Variants in ASPHD1 observed in about 807,000 individuals in gnomAD.
ASPHD1 encodes aspartate beta-hydroxylase domain containing 1, also known as aspartate beta-hydroxylase domain-containing protein 1.
In ASPHD1, 20 loss-of-function variants were observed where a neutral mutation model predicts 28.3. That is an observed-to-expected ratio of 0.71 (90% CI 0.50 to 1.03). The LOEUF (loss-of-function observed/expected upper bound fraction) is 1.03, where lower values mean the gene tolerates loss of function less well. ASPHD1 is among the 50% of genes least tolerant of loss of function. The pLI is 0.00. For synonymous variants in ASPHD1, 240 were observed against 221.2 expected (o/e 1.08, Z -0.75); for missense variants, 479 against 524.1 (o/e 0.91, Z 0.84).
chr16:29,912,907 T>A (rs2068742350), intron 3 of ASPHD1, among the ~76,000 whole-genome samples: 1 of 152,240 alleles, frequency 6.6e-6, no homozygotes, highest in Admixed American at 6.5e-5. Flanking sequence ...CTTCATTGGG[T>A]GGGATGACGT....
downstream of ASPHD1, among the ~76,000 whole-genome samples, chr16:29,907,861 G>C (rs2068639092): frequency 6.6e-6 from 1 of 151,896 alleles, no homozygotes; most frequent in Non-Finnish European, 1.5e-5. Context: ...ATATAAGCTG[G>C]GTGTGGTGTC....
downstream of ASPHD1, among the ~76,000 whole-genome samples, chr16:29,910,761 T>G (rs1050946802): frequency 2.6e-5 from 4 of 152,170 alleles, no homozygotes; most frequent in Admixed American, 6.5e-5. Flanking sequence ...CCAACAGGCC[T>G]AGGCTAAGCA....
At chr16:29,906,074 C>T (rs935172113), downstream of ASPHD1, 19 of 495,212 alleles carry the variant, frequency 3.8e-5, no homozygotes, top group African/African-American at 3.2e-4. Flanking sequence ...CTACTTCCTT[C>T]GCAGGGAGAG....
chr16:29,904,978 C>CA lies in ASPHD1; in HGVS notation c.1063+13_1063+14insA. On this transcript the variant is annotated intron_variant, in intron 2 of 2. Coordinates refer to ENST00000308748, the MANE Select transcript of ASPHD1 (RefSeq NM_181718.4). Reference sequence around the variant, plus strand: ...GTGGCTCACAATGGTAACGGGGTGCCCATTCTGCAGGGGGGATGAGGGACT... The same window carrying CA: ...GTGGCTCACAATGGTAACGGGGTGCCACATTCTGCAGGGGGGATGAGGGACT... 6.3e-7 allele frequency: 1 copy of CA among 1,598,484 alleles called. No homozygotes were observed. The highest frequency in any genetic ancestry group is 8.6e-7 in the Non-Finnish European group (1 of 1,167,548).
chr16:29,911,907 CA>C (rs760506764), intron 3 of ASPHD1: 8 of 1,609,558 alleles, frequency 5.0e-6, no homozygotes, highest in Non-Finnish European at 6.8e-6. Flanking sequence ...GGTGAGGCTG[CA>C]GGGAGAGGCC....
intron 1 of ASPHD1, among the ~76,000 whole-genome samples, chr16:29,903,256 C>T (rs575186936): frequency 2.6e-5 from 4 of 151,610 alleles, no homozygotes; most frequent in Non-Finnish European, 5.9e-5. Context: ...CTCGGGAGGC[C>T]GAGGCAGGAG....
Position 29,901,067 on chromosome 16 carries a change from G to A in ASPHD1, c.96G>A (p.Ala32=). The A allele has an allele frequency of 6.2e-7, 1 of 1,609,354 alleles. No individual in the cohort carries two copies. Among genetic ancestry groups the A allele is most frequent in the Non-Finnish European group, 8.5e-7 (1 of 1,177,750 alleles). Residue 32 remains alanine (A), a synonymous_variant, in exon 1 of 3, where the codon GCG becomes GCA. Transcript: ENST00000308748. This position sits in a 1 kb window ranked among gnomAD's most constrained non-coding sequence, Gnocchi z 5.1. ...QSGMWKGNSP[A]GSQGAAMEGT... ...GAATGTGGAAGGGAAACAGTCCAGC[G>A]GGGAGCCAGGGGGCAGCCATGGAAG...
At chr16:29,917,227 A>G (rs1164119109) in intron 3 of ASPHD1, among the ~76,000 whole-genome samples, 1 of 152,152 alleles carries the variant, frequency 6.6e-6, no homozygotes, top group Non-Finnish European at 1.5e-5. Context: ...GGACTGTTTA[A>G]TACCTGGCAC....
rs115261182 is a variant in ASPHD1, at chr16:29,916,936, T to C, written c.*63-2595T>C. Among the ~76,000 whole-genome samples the C allele has an allele frequency of 5.0e-3, 761 of 152,316 alleles. 6 individuals carry two copies. The highest frequency in any genetic ancestry group is 0.017 in the African/African-American group (713 of 41,572). On this transcript the variant is annotated intron_variant and NMD_transcript_variant, in intron 3 of 3. Transcript: ENST00000414952. ...TGCTGTCGGCAGGGGCTTCAGTTCC[T>C]CACCAAGTGGACCTCTGCTTAGGGA... is the stretch of plus-strand genomic sequence containing the variant.
At chr16:29,911,354 G>A (rs995677984) in intron 3 of ASPHD1, 63 of 609,736 alleles carry the variant, frequency 1.0e-4, no homozygotes, top group African/African-American at 9.1e-4. Flanking sequence ...AGCCACATGC[G>A]CTGAGCAAAT....
At chr16:29,903,172 T>C (rs1253541306) in intron 1 of ASPHD1, among the ~76,000 whole-genome samples, 2 of 150,844 alleles carry the variant, frequency 1.3e-5, no homozygotes, top group Admixed American at 1.3e-4. Flanking sequence ...CTGACCAACA[T>C]GGAGAAATCC....
At chr16:29,914,719 C>G (rs2068779440) in intron 3 of ASPHD1, 1 of 152,348 alleles carries the variant, frequency 6.6e-6, no homozygotes, top group Non-Finnish European at 1.5e-5. Context: ...AGGCGTGAGC[C>G]ACCGCATCCA....
downstream of ASPHD1, among the ~76,000 whole-genome samples, chr16:29,909,226 A>G (rs1003052387): frequency 6.6e-6 from 1 of 152,134 alleles, no homozygotes; most frequent in East Asian, 1.9e-4. Flanking sequence ...GTCTTTAGCT[A>G]TGAAGGGAGT....
At chr16:29,918,437 A>G (rs1174491910) in intron 3 of ASPHD1, among the ~76,000 whole-genome samples, 1 of 152,132 alleles carries the variant, frequency 6.6e-6, no homozygotes, top group Non-Finnish European at 1.5e-5. Flanking sequence ...ATTCTAAACA[A>G]AATGTTTAAT....
Position 29,901,268 on chromosome 16 carries a change from C to T in ASPHD1, c.297C>T (p.Gly99=). ...TCCTCTGGTACTGCTACCGCCTGGG[C>T]TCCCAAGACATGCAGGCCCTAGGGG... ...SLFLWYCYRL[G]SQDMQALGAG... Residue 99 remains glycine, a synonymous_variant, in exon 1 of 3, where the codon GGC becomes GGT. Transcript: ENST00000308748. This position sits in a 1 kb window ranked among gnomAD's most constrained non-coding sequence, Gnocchi z 5.1. 6.2e-7 allele frequency: 1 copy of T among 1,613,318 alleles called. No homozygotes were observed. Among genetic ancestry groups the T allele is most frequent in the Non-Finnish European group, 8.5e-7 (1 of 1,179,936 alleles).
downstream of ASPHD1, among the ~76,000 whole-genome samples, chr16:29,908,594 C>G (rs529381557): frequency 1.3e-5 from 2 of 151,894 alleles, no homozygotes; most frequent in African/African-American, 4.8e-5. Flanking sequence ...CCATGTTGTA[C>G]AGGCTGGTCT....
downstream of ASPHD1, among the ~76,000 whole-genome samples, chr16:29,907,895 T>C (rs1173430651): frequency 6.6e-6 from 1 of 151,542 alleles, no homozygotes; most frequent in African/African-American, 2.4e-5. Flanking sequence ...CCCAGCACAT[T>C]GGGAGGCTAA....
At chr16:29,910,415 T>TA (rs201647947), downstream of ASPHD1, among the ~76,000 whole-genome samples, 350 of 149,434 alleles carry the variant, frequency 2.3e-3, 1 homozygote, top group African/African-American at 7.9e-3. Context: ...ATAATAATAA[T>TA]AATAAATAAA....
At position 29,901,937 on chromosome 16, in the gene ASPHD1, T is replaced by C. The variant is rs1399727063; in HGVS notation, c.949+17T>C. 4 of 1,457,440 alleles carry C rather than the reference T, an allele frequency of 2.7e-6. No individual in the cohort carries two copies. The highest frequency in any genetic ancestry group is 3.6e-6 in the Non-Finnish European group (4 of 1,106,440). The allele number at this position is 1,457,440 out of a possible 1,614,324, so 90.3% of individuals were successfully genotyped here. A position where few individuals can be genotyped will look rare whatever the true frequency, so the allele number is the denominator to read the frequency against. On this transcript the variant is annotated intron_variant, in intron 1 of 2. Coordinates refer to ENST00000308748, the MANE Select transcript of ASPHD1 (RefSeq NM_181718.4). This position sits in a 1 kb window ranked among gnomAD's most constrained non-coding sequence, Gnocchi z 5.1. ...GCCATCTGGGTAAGTAGCTGCCGCCTACTGACAACCTCCTTGCCTCGATGA... is the reference window on the plus strand; with the variant it reads ...GCCATCTGGGTAAGTAGCTGCCGCCCACTGACAACCTCCTTGCCTCGATGA...
Sources: allele counts gnomAD v4.1 joint callset (sites outside exome capture counted in the v4.1 genomes callset), GRCh38; gene constraint gnomAD v4.1.1; non-coding constraint Gnocchi (gnomAD v3.1); transcripts MANE v1.5; gene names NCBI Gene and HGNC (gene_info 2026-07-23, HGNC 2026-07-21).